The following IL17RA variants were observed in gnomAD, a reference collection of about 807,000 sequenced individuals.
The protein encoded by IL17RA is interleukin 17 receptor A.
Under a neutral mutation model 50.4 loss-of-function variants are expected in IL17RA, and 34 were observed. The observed-to-expected ratio is 0.67, with a 90% CI of 0.51 to 0.90. The LOEUF (loss-of-function observed/expected upper bound fraction) is 0.90. Among genes scored for constraint, IL17RA ranks in the 40% least tolerant of loss-of-function variants. The pLI, the probability that IL17RA is intolerant of heterozygous loss-of-function variation, is 0.00. For synonymous variants in IL17RA, 585 were observed against 510.4 expected (o/e 1.15, Z -1.97); for missense variants, 1,276 against 1,169.8 (o/e 1.09, Z -1.32).
Position 17,113,568 on chromosome 22 carries a change from G to T in IL17RA, c.*3748G>T, listed in dbSNP as rs995792051. On this transcript the variant is annotated 3_prime_UTR_variant, in exon 13 of 13. Transcript: ENST00000319363. ...AGATGTACTTACAATGCAGTGGGTG[G>T]TTTTAACTCTATAGCCTTTGGGCTC... The T allele has an allele frequency of 1.3e-5, 2 of 152,278 alleles. No homozygotes were observed. The highest frequency in any genetic ancestry group is 1.3e-4 in the Admixed American group (2 of 15,290). 9.4% of individuals were successfully genotyped at this position (152,278 alleles called of 1,614,324 possible). A position where few individuals can be genotyped will look rare whatever the true frequency, so the allele number is the denominator to read the frequency against.
intron 1 of IL17RA, among the ~76,000 whole-genome samples, chr22:17,091,778 T>C (rs1359568155): frequency 6.6e-6 from 1 of 152,226 alleles, no homozygotes; most frequent in East Asian, 1.9e-4. Flanking sequence ...ATTCCTGATA[T>C]TACAACAGTT....
At chr22:17,088,407 C>G (rs1490992021) in intron 1 of IL17RA, among the ~76,000 whole-genome samples, 2 of 150,946 alleles carry the variant, frequency 1.3e-5, no homozygotes, top group South Asian at 2.1e-4. Context: ...CAACCTCCGC[C>G]TCCCGAGTTC....
In IL17RA at chr22:17,085,164, G is replaced by A. The variant is rs1297016157; in HGVS notation, c.73G>A (p.Val25Met). The change falls in exon 1 of 13, where the codon GTG becomes ATG. Residue 25 changes from valine (V) to methionine (M), a missense_variant. By Grantham distance (21) the Val-to-Met change is conservative. Coordinates refer to ENST00000319363, the MANE Select transcript of IL17RA (RefSeq NM_014339.7). ...LLGLLLLLLGVLAPGGASLRL... is the reference protein window; with the variant it reads ...LLGLLLLLLGMLAPGGASLRL... ...GGGGCTGCTCCTGCTGCTCCTGGGCGTGCTGGCCCCGGGTGGCGCCTCCCT... is the reference window on the plus strand; with the variant it reads ...GGGGCTGCTCCTGCTGCTCCTGGGCATGCTGGCCCCGGGTGGCGCCTCCCT... 6.6e-7 allele frequency: 1 copy of A among 1,522,150 alleles called. No homozygotes were observed. The highest frequency in any genetic ancestry group is 8.8e-7 in the Non-Finnish European group (1 of 1,140,516). 94.3% of individuals were successfully genotyped at this position (1,522,150 alleles called of 1,614,324 possible).
In IL17RA at chr22:17,108,894, C is replaced by G. The variant is rs751753949; in HGVS notation, c.1675C>G (p.Leu559Val). ...RVGELSGDNY[L>V]RSPGGRQLRA... ...AGGGGAGCTGTCGGGGGACAACTAC[C>G]TGCGGAGCCCGGGCGGCAGGCAGCT... The change falls in exon 13 of 13, where the codon CTG becomes GTG. Residue 559 changes from leucine (L) to valine (V), a missense_variant. Leu to Val is a conservative substitution (Grantham distance 32). Transcript: ENST00000319363. 10 of 1,611,204 alleles carry G rather than the reference C, an allele frequency of 6.2e-6. No individual in the cohort carries two copies. Among genetic ancestry groups the G allele is most frequent in the Non-Finnish European group, 8.5e-6 (10 of 1,179,206 alleles).
At chr22:17,096,421 G>A (rs1481940160) in intron 1 of IL17RA, among the ~76,000 whole-genome samples, 5 of 152,038 alleles carry the variant, frequency 3.3e-5, no homozygotes, top group African/African-American at 1.2e-4. Flanking sequence ...TGTAAATATT[G>A]CCCTTCACCC....
intron 1 of IL17RA, among the ~76,000 whole-genome samples, chr22:17,094,656 A>ACTCTCTCTCTCTCT (rs1207841287): frequency 3.4e-5 from 1 of 29,272 alleles, no homozygotes. Flanking sequence ...TCATACACAC[A>ACTCTCTCTCTCTCT]CTCTCTCTCT....
intron 1 of IL17RA, among the ~76,000 whole-genome samples, chr22:17,086,131 C>T (rs41519952): frequency 6.6e-6 from 1 of 152,010 alleles, no homozygotes; most frequent in Admixed American, 6.5e-5. Context: ...CCAGGACCAT[C>T]TTAAGGAAAA....
At chr22:17,091,721 A>G (rs1175094717) in intron 1 of IL17RA, among the ~76,000 whole-genome samples, 1 of 151,970 alleles carries the variant, frequency 6.6e-6, no homozygotes, top group Non-Finnish European at 1.5e-5. Flanking sequence ...ATTGGTTTAT[A>G]TGACACTTAT....
intron 1 of IL17RA, among the ~76,000 whole-genome samples, chr22:17,086,663 C>A (rs1450179411): frequency 6.6e-6 from 1 of 152,192 alleles, no homozygotes; most frequent in Non-Finnish European, 1.5e-5. Context: ...AGGGAACTGT[C>A]TAGCAAAGCT....
At chr22:17,093,919 T>C (rs2061356343) in intron 1 of IL17RA, 1 of 151,382 alleles carries the variant, frequency 6.6e-6, no homozygotes, top group Non-Finnish European at 1.5e-5. Flanking sequence ...TATTCTGGTG[T>C]CACCACCTCA....
intron 1 of IL17RA, among the ~76,000 whole-genome samples, chr22:17,095,500 T>C (rs1286776705): frequency 1.3e-5 from 2 of 152,218 alleles, no homozygotes; most frequent in Non-Finnish European, 2.9e-5. Flanking sequence ...TGCAGTGTTA[T>C]TGAGTAGCTC....
Position 17,102,313 on chromosome 22 carries a change from T to C in IL17RA, c.762+11T>C. On this transcript the variant is annotated intron_variant, in intron 7 of 12. Coordinates refer to ENST00000319363, the MANE Select transcript of IL17RA (RefSeq NM_014339.7). ...CACCACATACCTGCGGTAACTCTGC[T>C]CTTTTTGACCCCTCTAGCATAGCTC... The C allele has an allele frequency of 6.2e-7, 1 of 1,614,088 alleles. No homozygotes were observed. Among genetic ancestry groups the C allele is most frequent in the African/African-American group, 1.3e-5 (1 of 75,058 alleles).
intron 4 of IL17RA, 74 bp from the exon 5 acceptor site, chr22:17,100,281 G>C: frequency 6.3e-7 from 1 of 1,579,030 alleles, no homozygotes; most frequent in Non-Finnish European, 8.7e-7. Flanking sequence ...GGGTGGGAAC[G>C]GGGGTCTTTG....
chr22:17,099,554 C>G (rs553653186), intron 4 of IL17RA, among the ~76,000 whole-genome samples: 1 of 152,010 alleles, frequency 6.6e-6, no homozygotes, highest in East Asian at 1.9e-4. Flanking sequence ...CATCACGATG[C>G]GAGCCTTAGT....
rs781299645 is a variant in IL17RA at position 17,085,157 on chromosome 22, C to T, written c.66C>T (p.Leu22=). The T allele has an allele frequency of 6.6e-7, 1 of 1,520,938 alleles. No homozygotes were observed. Among genetic ancestry groups the T allele is most frequent in the Non-Finnish European group, 8.8e-7 (1 of 1,140,168 alleles). The allele number at this position is 1,520,938 out of a possible 1,614,324, so 94.2% of individuals were successfully genotyped here. Residue 22 remains leucine, a synonymous_variant, in exon 1 of 13, where the codon CTC becomes CTT. Transcript: ENST00000319363. ...PGPLLGLLLL[L]LGVLAPGGAS... Reference sequence around the variant, plus strand: ...CCCTGCTGGGGCTGCTCCTGCTGCTCCTGGGCGTGCTGGCCCCGGGTGGCG... The same window carrying T: ...CCCTGCTGGGGCTGCTCCTGCTGCTTCTGGGCGTGCTGGCCCCGGGTGGCG...
In IL17RA at chr22:17,109,083, C is replaced by A; in HGVS notation, c.1864C>A (p.Pro622Thr). Residue 622 changes from proline to threonine, a missense_variant, in exon 13 of 13, where the codon CCC becomes ACC. Transcript: ENST00000319363. ...GGGAACCGGCATCGTGAAGCGGGCG[C>A]CCCTGGTGCGCGAGCCTGGCTCCCA... ...PPGTGIVKRAPLVREPGSQAC... is the reference protein window; with the variant it reads ...PPGTGIVKRATLVREPGSQAC... 6.4e-7 allele frequency: 1 copy of A among 1,573,744 alleles called. No individual in the cohort carries two copies. Among genetic ancestry groups the A allele is most frequent in the Non-Finnish European group, 8.6e-7 (1 of 1,168,490 alleles).
At chr22:17,101,218 A>G (rs1222919260) in intron 5 of IL17RA, among the ~76,000 whole-genome samples, 1 of 152,132 alleles carries the variant, frequency 6.6e-6, no homozygotes, top group Non-Finnish European at 1.5e-5. Context: ...CAGGAAGCCC[A>G]CTTGAAAACA....
Position 17,107,734 on chromosome 22 carries a change from A to G in IL17RA, c.1053A>G (p.Gly351=). ...VCMTWRLAGP[G]SEKYSDDTKY... is the part of the protein sequence containing the mutation. ...ATTTCTTTTCCTTTCCAGGGCCTGG[A>G]AGTGAAAAATACAGTGATGACACCA... The change falls in exon 12 of 13, where the codon GGA becomes GGG. Residue 351 remains glycine (G), a synonymous_variant. Coordinates refer to ENST00000319363, the MANE Select transcript of IL17RA (RefSeq NM_014339.7). The G allele has an allele frequency of 6.2e-7, 1 of 1,613,712 alleles. No homozygotes were observed. Among genetic ancestry groups the G allele is most frequent in the African/African-American group, 1.3e-5 (1 of 75,046 alleles).
Position 17,115,470 on chromosome 22 carries a change from T to A in IL17RA, c.*5650T>A, listed in dbSNP as rs1486001799. 1 of 152,190 alleles carries A rather than the reference T, an allele frequency of 6.6e-6. No homozygotes were observed. The highest frequency in any genetic ancestry group is 1.5e-5 in the Non-Finnish European group (1 of 68,038). 9.4% of individuals were successfully genotyped at this position (152,190 alleles called of 1,614,324 possible). ...TCCCAGGAGCTTCCACTCTCAGACCTTGCCTCCCGGGCTGCCCTGAGTGAA... is the reference window on the plus strand; with the variant it reads ...TCCCAGGAGCTTCCACTCTCAGACCATGCCTCCCGGGCTGCCCTGAGTGAA... On this transcript the variant is annotated 3_prime_UTR_variant, in exon 13 of 13. Coordinates refer to ENST00000319363, the MANE Select transcript of IL17RA (RefSeq NM_014339.7).
Sources: gnomAD v4.1 joint callset for allele counts (sites outside exome capture counted in the v4.1 genomes callset) on GRCh38, gnomAD v4.1.1 for gene constraint, MANE v1.5 for transcripts, NCBI Gene and HGNC (gene_info 2026-07-23, HGNC 2026-07-21) for gene names.